GALNT18: variants seen among roughly 807,000 people sequenced by gnomAD.
GALNT18 encodes polypeptide N-acetylgalactosaminyltransferase 18.
A neutral mutation model predicts 69.5 loss-of-function variants in GALNT18; 44 were observed. The ratio of observed to expected loss-of-function variants is 0.63; its 90% CI spans 0.50 to 0.81. The LOEUF (loss-of-function observed/expected upper bound fraction) is 0.81. Among genes scored for constraint, GALNT18 ranks in the 40% least tolerant of loss-of-function variants. The pLI, the probability that GALNT18 is intolerant of heterozygous loss-of-function variation, is 0.00. For synonymous variants in GALNT18, 364 were observed against 318.2 expected, an observed-to-expected ratio of 1.14 and a Z score of -1.53; for missense variants, 715 against 810.0, an observed-to-expected ratio of 0.88 and a Z score of 1.42.
At position 11,542,906 on chromosome 11, in the gene GALNT18, T is replaced by G. The variant is rs1486150955; in HGVS notation, c.235+78453A>C. 6.6e-6 allele frequency among the ~76,000 whole-genome samples: 1 copy of G among 152,244 alleles called. No individual in the cohort carries two copies. The highest frequency in any genetic ancestry group is 1.9e-4 in the East Asian group (1 of 5,198). On this transcript the variant is annotated intron_variant, in intron 1 of 10. Transcript: ENST00000227756. The surrounding 1 kb of genome is among the most constrained non-coding windows in gnomAD (Gnocchi z 4.3). The stretch of plus-strand genomic sequence containing the variant: ...TTTGGGCAAAGTGTTTAATGGTCAG[T>G]AACTAAGTTTCAGTGGTTGAGAAGG...
intron 1 of GALNT18, among the ~76,000 whole-genome samples, chr11:11,482,159 G>A (rs1856545125): frequency 6.6e-6 from 1 of 152,230 alleles, no homozygotes; most frequent in Non-Finnish European, 1.5e-5. Flanking sequence ...TAGTTCCACT[G>A]GGGCCTTTGG....
chr11:11,286,327 C>G (rs1484574029), intron 10 of GALNT18, among the ~76,000 whole-genome samples: 1 of 152,176 alleles, frequency 6.6e-6, no homozygotes, highest in Non-Finnish European at 1.5e-5. Context: ...GGAAGAAGTG[C>G]GTGTTTATGC....
At position 11,621,415 on chromosome 11, in the gene GALNT18, A is replaced by C; in HGVS notation, c.179T>G (p.Leu60Arg). ...GTGGTCCAGCCGCTCAATAATCTTCAGAGTGTCCCCTTTGTCTTCCTCCAG... is the reference window on the plus strand; with the variant it reads ...GTGGTCCAGCCGCTCAATAATCTTCCGAGTGTCCCCTTTGTCTTCCTCCAG... ...KKLEEDKGDT[L>R]KIIERLDHLE... is the part of the protein sequence containing the mutation. Residue 60 changes from leucine (L) to arginine (R), a missense_variant, in exon 1 of 11, where the codon CTG becomes CGG. Transcript: ENST00000227756. This position sits in a 1 kb window ranked among gnomAD's most constrained non-coding sequence, Gnocchi z 9.3. 1 of 1,614,082 alleles carries C rather than the reference A, an allele frequency of 6.2e-7. No homozygotes were observed. The highest frequency in any genetic ancestry group is 2.2e-5 in the East Asian group (1 of 44,862).
At position 11,402,992 on chromosome 11, in the gene GALNT18, T is replaced by C. The variant is rs1380395061; in HGVS notation, c.596-23728A>G. Reference sequence around the variant, plus strand: ...CCTCAGAACTGGGAAAGAAAAGTGATCCTTTAGGAAGAATCATGCTCTCCC... The same window carrying C: ...CCTCAGAACTGGGAAAGAAAAGTGACCCTTTAGGAAGAATCATGCTCTCCC... On this transcript the variant is annotated intron_variant, in intron 3 of 10. Coordinates refer to ENST00000227756, the MANE Select transcript of GALNT18 (RefSeq NM_198516.3). The surrounding 1 kb of genome is among the most constrained non-coding windows in gnomAD (Gnocchi z 4.0). 6.6e-6 allele frequency among the ~76,000 whole-genome samples: 1 copy of C among 152,154 alleles called. No homozygotes were observed. The highest frequency in any genetic ancestry group is 6.5e-5 in the Admixed American group (1 of 15,280).
At chr11:11,299,522 AC>A (rs1166292693) in intron 9 of GALNT18, among the ~76,000 whole-genome samples, 1 of 151,970 alleles carries the variant, frequency 6.6e-6, no homozygotes, top group Non-Finnish European at 1.5e-5. Flanking sequence ...TAATTTTTAC[AC>A]CTTTGCATCC....
chr11:11,552,543 C>T (rs1199527623), intron 1 of GALNT18, among the ~76,000 whole-genome samples: 1 of 151,990 alleles, frequency 6.6e-6, no homozygotes. Flanking sequence ...CCCAGCCCAG[C>T]TTCCTAATGG....
chr11:11,344,981 A>C (rs1177779949), intron 6 of GALNT18, among the ~76,000 whole-genome samples: 1 of 152,136 alleles, frequency 6.6e-6, no homozygotes, highest in Non-Finnish European at 1.5e-5. Context: ...TGTGCCTATT[A>C]TTATTTCATA....
At chr11:11,297,301 G>C (rs909089608) in intron 9 of GALNT18, among the ~76,000 whole-genome samples, 1 of 152,196 alleles carries the variant, frequency 6.6e-6, no homozygotes, top group Non-Finnish European at 1.5e-5. Context: ...GACATGAAAT[G>C]ACTTACATGC....
At chr11:11,501,556 T>C (rs1410765327) in intron 1 of GALNT18, among the ~76,000 whole-genome samples, 1 of 152,194 alleles carries the variant, frequency 6.6e-6, no homozygotes, top group Non-Finnish European at 1.5e-5. Flanking sequence ...TTGCCTATAT[T>C]ATGTAATAAT....
At chr11:11,597,361 G>T (rs1212571678) in intron 1 of GALNT18, among the ~76,000 whole-genome samples, 11 of 152,298 alleles carry the variant, frequency 7.2e-5, no homozygotes, top group African/African-American at 2.6e-4. Flanking sequence ...TGAAGAACTG[G>T]TATTGATTAT....
chr11:11,430,306 A>C lies in GALNT18; in HGVS notation c.595+2315T>G, dbSNP rs938745114. On this transcript the variant is annotated intron_variant, in intron 3 of 10. Coordinates refer to ENST00000227756, the MANE Select transcript of GALNT18 (RefSeq NM_198516.3). The surrounding 1 kb of genome is among the most constrained non-coding windows in gnomAD (Gnocchi z 4.9). ...AGAAGGTTTCATATGCCCCTCACCCAGTATTCCCCAATGGTAACATTGTAC... is the reference window on the plus strand; with the variant it reads ...AGAAGGTTTCATATGCCCCTCACCCCGTATTCCCCAATGGTAACATTGTAC... 8.5e-5 allele frequency among the ~76,000 whole-genome samples: 13 copies of C among 152,230 alleles called. No individual in the cohort carries two copies. Among genetic ancestry groups the C allele is most frequent in the Non-Finnish European group, 1.3e-4 (9 of 68,036 alleles).
chr11:11,281,059 G>A (rs1038765694), intron 10 of GALNT18, among the ~76,000 whole-genome samples: 1 of 152,186 alleles, frequency 6.6e-6, no homozygotes, highest in Admixed American at 6.5e-5. Context: ...TCTGTGGCCA[G>A]TTCCCTGGCC....
intron 9 of GALNT18, among the ~76,000 whole-genome samples, chr11:11,326,638 C>CG (rs1849924888): frequency 6.6e-6 from 1 of 152,124 alleles, no homozygotes; most frequent in Non-Finnish European, 1.5e-5. Flanking sequence ...TAAATTTTGG[C>CG]CCCAGCTATG....
chr11:11,504,180 A>G (rs1463685398), intron 1 of GALNT18, among the ~76,000 whole-genome samples: 1 of 152,180 alleles, frequency 6.6e-6, no homozygotes, highest in Non-Finnish European at 1.5e-5. Context: ...GTGCTCAGTA[A>G]GTATGTGCTA....
chr11:11,417,243 C>T (rs16909628), intron 3 of GALNT18, among the ~76,000 whole-genome samples: 404 of 152,240 alleles, frequency 2.7e-3, no homozygotes, highest in African/African-American at 9.0e-3. Context: ...ATATAGCCAA[C>T]GATGATGCCC....
intron 6 of GALNT18, among the ~76,000 whole-genome samples, chr11:11,358,987 A>AG (rs1850589040): frequency 7.1e-6 from 1 of 140,634 alleles, no homozygotes; most frequent in African/African-American, 2.6e-5. Context: ...CTCTGTGTCC[A>AG]GGGATGGGAA....
At chr11:11,363,087 C>A (rs575209107) in intron 6 of GALNT18, among the ~76,000 whole-genome samples, 2 of 151,714 alleles carry the variant, frequency 1.3e-5, no homozygotes, top group African/African-American at 4.8e-5. Context: ...AGGGGACCTG[C>A]GAATATATAT....
intron 1 of GALNT18, among the ~76,000 whole-genome samples, chr11:11,609,262 C>T (rs1859830347): frequency 6.6e-6 from 1 of 152,196 alleles, no homozygotes; most frequent in African/African-American, 2.4e-5. Flanking sequence ...CAACCCGCCC[C>T]TCTCTGGCTT....
In GALNT18 at chr11:11,372,698, T is replaced by C; in HGVS notation, c.978-69A>G. On this transcript the variant is annotated intron_variant, in intron 5 of 10. Coordinates refer to ENST00000227756, the MANE Select transcript of GALNT18 (RefSeq NM_198516.3). The surrounding 1 kb of genome is among the most constrained non-coding windows in gnomAD (Gnocchi z 4.9). Reference sequence around the variant, plus strand: ...TCCGAGGAGTAAGAGCAGTAAGGCCTTCCTATCAGGAGGGTCTGGTTCTCT... The same window carrying C: ...TCCGAGGAGTAAGAGCAGTAAGGCCCTCCTATCAGGAGGGTCTGGTTCTCT... The C allele has an allele frequency of 3.4e-6, 4 of 1,182,078 alleles. No individual in the cohort carries two copies. Among genetic ancestry groups the C allele is most frequent in the Non-Finnish European group, 5.0e-6 (4 of 801,222 alleles). 73.2% of individuals were successfully genotyped at this position (1,182,078 alleles called of 1,614,324 possible). A position where few individuals can be genotyped will look rare whatever the true frequency, so the allele number is the denominator to read the frequency against.
Sources: gnomAD v4.1 joint callset for allele counts (sites outside exome capture counted in the v4.1 genomes callset) on GRCh38, gnomAD v4.1.1 for gene constraint, Gnocchi (gnomAD v3.1) non-coding constraint, MANE v1.5 for transcripts, NCBI Gene and HGNC (gene_info 2026-07-23, HGNC 2026-07-21) for gene names.